Variants in PER2 observed in about 807,000 individuals in gnomAD.
PER2 encodes the protein period circadian protein homolog 2.
Under a neutral mutation model 121.0 loss-of-function variants are expected in PER2, and 66 were observed. The observed-to-expected ratio is 0.55, with a 90% confidence interval of 0.45 to 0.67. PER2 has a LOEUF of 0.67. Among genes scored for constraint, PER2 ranks in the 30% least tolerant of loss-of-function variants. The pLI is 0.00. For missense variants in PER2, 1,521 were observed against 1,635.0 expected, an observed-to-expected ratio of 0.93 and a Z score of 1.20; for synonymous variants, 684 against 659.9, an observed-to-expected ratio of 1.04 and a Z score of -0.56.
At chr2:238,281,006 CTT>C (rs200445345) in intron 1 of PER2, among the ~76,000 whole-genome samples, 15,846 of 143,334 alleles carry the variant, frequency 0.11, 1,045 homozygotes, top group Admixed American at 0.17. Flanking sequence ...AATGTTTACA[CTT>C]TTTTTTTTTT....
At chr2:238,277,073 A>G (rs953166378) in intron 3 of PER2, 58 bp downstream of exon 3, 4 of 1,284,506 alleles carry the variant, frequency 3.1e-6, no homozygotes. Context: ...CTAACCTCCA[A>G]TAAGAAGTCT....
At chr2:238,271,747 C>T (rs1226475141) in intron 5 of PER2, among the ~76,000 whole-genome samples, 1 of 152,182 alleles carries the variant, frequency 6.6e-6, no homozygotes, top group African/African-American at 2.4e-5. Flanking sequence ...AAAAAACAGC[C>T]TACATCCAAA....
At chr2:238,260,546 G>A (rs1214228629) in intron 13 of PER2, among the ~76,000 whole-genome samples, 5 of 152,244 alleles carry the variant, frequency 3.3e-5, no homozygotes, top group Non-Finnish European at 5.9e-5. Context: ...GTGAATCACC[G>A]CACCCAGCCC....
At chr2:238,283,853 C>A (rs1352577179) in intron 1 of PER2, among the ~76,000 whole-genome samples, 1 of 152,180 alleles carries the variant, frequency 6.6e-6, no homozygotes, top group Non-Finnish European at 1.5e-5. Context: ...TCCCCACAGC[C>A]CTCCCCCAGA....
chr2:238,291,382 C>G (rs898303295), upstream of PER2, among the ~76,000 whole-genome samples: 1 of 152,238 alleles, frequency 6.6e-6, no homozygotes, highest in African/African-American at 2.4e-5. Context: ...ACTCACTGGC[C>G]CTCTCATTCA....
chr2:238,278,078 T>C, intron 1 of PER2, 123 bp from the exon 2 acceptor site: 1 of 934,982 alleles, frequency 1.1e-6, no homozygotes, highest in Non-Finnish European at 1.6e-6. Context: ...TCTTTCTTTC[T>C]TCTCTCTGTC....
Position 238,246,542 on chromosome 2 carries a change from G to A in PER2, c.3619-18C>T, listed in dbSNP as rs1695456817. The A allele has an allele frequency of 6.6e-7, 1 of 1,521,914 alleles. No individual in the cohort carries two copies. Among genetic ancestry groups the A allele is most frequent in the Non-Finnish European group, 9.1e-7 (1 of 1,099,016 alleles). The allele number at this position is 1,521,914 out of a possible 1,614,324, so 94.3% of individuals were successfully genotyped here. On this transcript the variant is annotated intron_variant, in intron 22 of 22. Transcript: ENST00000254657. ...ACACATTCCTTAAAAGAAAAAAAAAGAGAAATCAGTAACAAACTTGAGATC... is the reference window on the plus strand; with the variant it reads ...ACACATTCCTTAAAAGAAAAAAAAAAAGAAATCAGTAACAAACTTGAGATC...
At chr2:238,297,153 C>A in the PER2 span, among the ~76,000 whole-genome samples, 2 of 152,210 alleles carry the variant, frequency 1.3e-5, no homozygotes, top group African/African-American at 4.8e-5. Flanking sequence ...CCTTCCACCA[C>A]ATCCACCCCG....
At position 238,255,823 on chromosome 2, in the gene PER2, C is replaced by T. The variant is rs1269855320; in HGVS notation, c.2154G>A (p.Glu718=). 6.2e-7 allele frequency: 1 copy of T among 1,614,198 alleles called. No individual in the cohort carries two copies. Among genetic ancestry groups the T allele is most frequent in the Non-Finnish European group, 8.5e-7 (1 of 1,180,028 alleles). ...ALACGLSQEK[E]PFKKLGLTKE... is the part of the protein sequence containing the mutation. ...TGGTGAGGCCCAGCTTCTTGAAGGG[C>T]TCCTTCTCTTGGCTGAGACCACAGG... is the stretch of plus-strand genomic sequence containing the variant. Residue 718 remains glutamate, a synonymous_variant, in exon 18 of 23, where the codon GAG becomes GAA. Transcript: ENST00000254657.
At chr2:238,279,641 C>T (rs768995938) in intron 1 of PER2, among the ~76,000 whole-genome samples, 1 of 152,228 alleles carries the variant, frequency 6.6e-6, no homozygotes, top group Non-Finnish European at 1.5e-5. Flanking sequence ...CTGGATTCCA[C>T]ACCCCAAATC....
the PER2 span, among the ~76,000 whole-genome samples, chr2:238,297,473 G>A: frequency 6.6e-6 from 1 of 152,162 alleles, no homozygotes; most frequent in Non-Finnish European, 1.5e-5. Context: ...CGATTGAAAT[G>A]AGATTCCTAA....
At chr2:238,277,464 A>G (rs1696489301) in intron 2 of PER2, among the ~76,000 whole-genome samples, 1 of 152,174 alleles carries the variant, frequency 6.6e-6, no homozygotes, top group Admixed American at 6.5e-5. Context: ...GTTACCCACC[A>G]CTGCTACCTC....
rs770883631 is a variant in PER2 at position 238,251,589 on chromosome 2, G to T, written c.3274+10C>A. On this transcript the variant is annotated intron_variant, in intron 20 of 22. Coordinates refer to ENST00000254657, the MANE Select transcript of PER2 (RefSeq NM_022817.3). Reference sequence around the variant, plus strand: ...CCCAAGTGCCTAACACCCCGCCAGGGCCAACATACCTGCCCCACTCGGGGA... The same window carrying T: ...CCCAAGTGCCTAACACCCCGCCAGGTCCAACATACCTGCCCCACTCGGGGA... 2 of 1,613,546 alleles carry T rather than the reference G, an allele frequency of 1.2e-6. No homozygotes were observed. Among genetic ancestry groups the T allele is most frequent in the Admixed American group, 3.3e-5 (2 of 60,022 alleles).
intron 8 of PER2, 80 bp from the exon 9 acceptor site, chr2:238,265,670 C>A: frequency 1.1e-6 from 1 of 887,722 alleles, no homozygotes. Flanking sequence ...CCAGAAAACA[C>A]CCTGTAGATT....
At chr2:238,251,828 T>C in intron 19 of PER2, 67 bp from the exon 20 acceptor site, 2 of 122,220 alleles carry the variant, frequency 1.6e-5, no homozygotes, top group Non-Finnish European at 1.8e-5. Flanking sequence ...TGCAGCGGGG[T>C]GGGGGTGGGG....
chr2:238,271,871 C>T (rs948902072), intron 5 of PER2, among the ~76,000 whole-genome samples: 8 of 152,132 alleles, frequency 5.3e-5, no homozygotes, highest in African/African-American at 1.7e-4. Context: ...CGAGATGACC[C>T]CAATCCGGGC....
chr2:238,282,562 T>C (rs1208083059), intron 1 of PER2, among the ~76,000 whole-genome samples: 1 of 152,168 alleles, frequency 6.6e-6, no homozygotes, highest in Non-Finnish European at 1.5e-5. Context: ...GTCTCAGACA[T>C]AGATGAACAA....
intron 1 of PER2, among the ~76,000 whole-genome samples, chr2:238,285,398 A>T (rs1005825240): frequency 6.6e-6 from 1 of 152,304 alleles, no homozygotes; most frequent in South Asian, 2.1e-4. Flanking sequence ...GTGGGGTCGC[A>T]TGGGTTCGTT....
Position 238,253,846 on chromosome 2 carries a change from T to C in PER2, c.2321-144A>G, listed in dbSNP as rs1695685513. 2 of 664,866 alleles carry C rather than the reference T, an allele frequency of 3.0e-6. No individual in the cohort carries two copies. The highest frequency in any genetic ancestry group is 2.6e-6 in the Non-Finnish European group (1 of 377,416). 41.2% of individuals were successfully genotyped at this position (664,866 alleles called of 1,614,324 possible). ...CGGTTTTCCCTGATCCTCAGTGAAG[T>C]GAGAAAAATCAGGGCAAAACATCAG... On this transcript the variant is annotated intron_variant, in intron 18 of 22. Transcript: ENST00000254657. The surrounding 1 kb of genome is among the most constrained non-coding windows in gnomAD (Gnocchi z 5.6).
Sources: allele counts gnomAD v4.1 joint callset (sites outside exome capture counted in the v4.1 genomes callset), GRCh38; gene constraint gnomAD v4.1.1; non-coding constraint Gnocchi (gnomAD v3.1); transcripts MANE v1.5; gene names NCBI Gene and HGNC (gene_info 2026-07-23, HGNC 2026-07-21).